FANCI: variants seen among roughly 807,000 people sequenced by gnomAD.
FANCI encodes the protein FA complementation group I.
In FANCI, 156 loss-of-function variants were observed where a neutral mutation model predicts 176.1. The ratio of observed to expected loss-of-function variants is 0.89; its 90% CI spans 0.78 to 1.01. The LOEUF (loss-of-function observed/expected upper bound fraction) is 1.01. Ranked by LOEUF, FANCI falls within the 50% of genes least tolerant of loss-of-function variation. FANCI has a pLI of 0.00. For synonymous variants in FANCI, 613 were observed against 541.7 expected, an observed-to-expected ratio of 1.13 and a Z score of -1.83; for missense variants, 1,678 against 1,534.1, an observed-to-expected ratio of 1.09 and a Z score of -1.57.
chr15:89,287,253 G>A (rs375234004), intron 18 of FANCI, among the ~76,000 whole-genome samples: 3 of 152,148 alleles, frequency 2.0e-5, no homozygotes, highest in African/African-American at 4.8e-5. Context: ...GATTACAGGC[G>A]TGAGCCACTG....
intron 24 of FANCI, among the ~76,000 whole-genome samples, chr15:89,299,054 G>C (rs1027170945): frequency 6.6e-6 from 1 of 151,772 alleles, no homozygotes; most frequent in African/African-American, 2.4e-5. Context: ...TGCACTTGTA[G>C]TCCCAGCTAC....
At chr15:89,298,218 T>TA (rs1254973835) in intron 24 of FANCI, among the ~76,000 whole-genome samples, 1 of 152,146 alleles carries the variant, frequency 6.6e-6, no homozygotes, top group Non-Finnish European at 1.5e-5. Flanking sequence ...CACTTCTTTT[T>TA]AGGTGCACAT....
intron 15 of FANCI, among the ~76,000 whole-genome samples, chr15:89,281,539 C>G (rs557531259): frequency 2.0e-5 from 3 of 152,224 alleles, no homozygotes; most frequent in African/African-American, 7.2e-5. Context: ...TTAAAACTCT[C>G]TTAGAACATT....
At position 89,300,195 on chromosome 15, in the gene FANCI, G is replaced by T. The variant is rs1431053426; in HGVS notation, c.2804-105G>T. ...AAATCACAAAATTTTAGAAATTTAAGTCTGCCTTTAGACTTTTTTTTGGCT... is the reference window on the plus strand; with the variant it reads ...AAATCACAAAATTTTAGAAATTTAATTCTGCCTTTAGACTTTTTTTTGGCT... On this transcript the variant is annotated intron_variant, in intron 25 of 37. Coordinates refer to ENST00000310775, the MANE Select transcript of FANCI (RefSeq NM_001113378.2). The T allele has an allele frequency of 1.9e-5, 23 of 1,205,194 alleles. No homozygotes were observed. The Admixed American group carries it at 2.1e-4, about 11-fold the overall frequency. 74.7% of individuals were successfully genotyped at this position (1,205,194 alleles called of 1,614,324 possible).
rs546329981 is a variant in FANCI, at chr15:89,307,184, C to A, written c.3538-292C>A. Among the ~76,000 whole-genome samples the A allele has an allele frequency of 3.4e-4, 52 of 152,266 alleles. 1 individual carries two copies. In the Middle Eastern group the frequency reaches 0.01, roughly 30 times the overall value. ...ACTGAGAGCCTCTTCTCTTTATTGGCATCTTTAAAAGGAAAAACAGCAAAG... is the reference window on the plus strand; with the variant it reads ...ACTGAGAGCCTCTTCTCTTTATTGGAATCTTTAAAAGGAAAAACAGCAAAG... On this transcript the variant is annotated intron_variant, in intron 32 of 37. Transcript: ENST00000310775.
At chr15:89,291,793 C>T in intron 20 of FANCI, 79 bp downstream of exon 20, 4 of 1,071,362 alleles carry the variant, frequency 3.7e-6, no homozygotes, top group East Asian at 4.8e-5. Context: ...ATACCTTTCC[C>T]TGTGAAACTC....
At chr15:89,281,364 A>T (rs1182816468) in intron 15 of FANCI, 64 bp downstream of exon 15, 1 of 1,577,036 alleles carries the variant, frequency 6.3e-7, no homozygotes, top group Non-Finnish European at 8.7e-7. Context: ...TGGAAGTCTG[A>T]TGCATTTTTG....
At chr15:89,263,052 T>C (rs1266456416) in intron 6 of FANCI, among the ~76,000 whole-genome samples, 1 of 152,266 alleles carries the variant, frequency 6.6e-6, no homozygotes, top group Non-Finnish European at 1.5e-5. Context: ...TTTATATATC[T>C]AGATGACCTT....
intron 2 of FANCI, among the ~76,000 whole-genome samples, chr15:89,256,046 G>A (rs1475496955): frequency 9.2e-5 from 14 of 152,172 alleles, no homozygotes; most frequent in Non-Finnish European, 2.1e-4. Flanking sequence ...TACATCCAGG[G>A]CTTCTGATTC....
intron 24 of FANCI, among the ~76,000 whole-genome samples, chr15:89,297,212 G>T (rs1439517301): frequency 2.6e-5 from 4 of 152,002 alleles, no homozygotes; most frequent in Non-Finnish European, 4.4e-5. Context: ...CGGCGGGGCA[G>T]AGGCGCTCCC....
intron 22 of FANCI, among the ~76,000 whole-genome samples, chr15:89,293,513 C>T (rs2054142169): frequency 6.6e-6 from 1 of 152,118 alleles, no homozygotes; most frequent in South Asian, 2.1e-4. Context: ...ATGGTGAAAC[C>T]CCATCTCTAC....
At chr15:89,279,141 T>TTTGTTGTTGTTG (rs140164531) in intron 14 of FANCI, among the ~76,000 whole-genome samples, 23 of 150,896 alleles carry the variant, frequency 1.5e-4, no homozygotes, top group African/African-American at 5.6e-4. Flanking sequence ...AATTTGCTGT[T>TTTGTTGTTGTTG]TTGTTGTTGT....
At chr15:89,268,686 T>TG in intron 10 of FANCI, 161 bp downstream of exon 10, 1 of 798,142 alleles carries the variant, frequency 1.3e-6, no homozygotes, top group Non-Finnish European at 2.0e-6. Context: ...GGAAAATACA[T>TG]GATGTTACCA....
intron 24 of FANCI, 107 bp from the exon 25 acceptor site, chr15:89,299,693 T>A: frequency 8.6e-7 from 1 of 1,160,298 alleles, no homozygotes; most frequent in Non-Finnish European, 1.2e-6. Context: ...CATGTAAGTT[T>A]TTTTAAACTT....
intron 23 of FANCI, among the ~76,000 whole-genome samples, chr15:89,294,272 T>C (rs1348452308): frequency 6.6e-6 from 1 of 152,114 alleles, no homozygotes; most frequent in African/African-American, 2.4e-5. Flanking sequence ...AAGTAGCTTG[T>C]ACAAGATAAC....
At chr15:89,276,933 A>G (rs2053430934) in intron 13 of FANCI, 42 bp downstream of exon 13, 9 of 1,606,508 alleles carry the variant, frequency 5.6e-6, no homozygotes, top group Non-Finnish European at 7.7e-6. Context: ...TTTTGTTTAA[A>G]TAATCCAAGT....
chr15:89,263,213 A>G (rs2052789494), intron 6 of FANCI, among the ~76,000 whole-genome samples: 1 of 152,194 alleles, frequency 6.6e-6, no homozygotes, highest in Non-Finnish European at 1.5e-5. Flanking sequence ...TCTCACCAAC[A>G]TTGGGTATCA....
chr15:89,261,530 A>G (rs1401891514), intron 4 of FANCI, 55 bp from the exon 5 acceptor site: 2 of 1,605,436 alleles, frequency 1.2e-6, no homozygotes, highest in East Asian at 4.5e-5. Context: ...TCTTAGAAAG[A>G]TTTATCAAAC....
At chr15:89,301,566 A>T (rs1339767384) in intron 27 of FANCI, 124 bp downstream of exon 27, 2 of 791,688 alleles carry the variant, frequency 2.5e-6, no homozygotes, top group Non-Finnish European at 4.6e-6. Context: ...GTGTTTAATT[A>T]TACACCTGAG....
Sources: allele counts gnomAD v4.1 joint callset (sites outside exome capture counted in the v4.1 genomes callset), GRCh38; gene constraint gnomAD v4.1.1; transcripts MANE v1.5; gene names NCBI Gene and HGNC (gene_info 2026-07-23, HGNC 2026-07-21).